The following FOXP2 variants were observed in gnomAD, a reference collection of about 807,000 sequenced individuals.
The protein encoded by FOXP2 is forkhead box P2, also known as forkhead box protein P2.
FOXP2 carries 12 observed loss-of-function variants against 115.8 expected under a neutral mutation model. The ratio of observed to expected loss-of-function variants is 0.10; its 90% CI spans 0.07 to 0.17. The LOEUF (loss-of-function observed/expected upper bound fraction) is 0.17. Among genes scored for constraint, FOXP2 ranks in the 10% least tolerant of loss-of-function variants. The pLI, the probability that FOXP2 is intolerant of heterozygous loss-of-function variation, is 1.00. For missense variants in FOXP2, 629 were observed against 843.5 expected (o/e 0.75, Z 3.15); for synonymous variants, 328 against 297.7 (o/e 1.10, Z -1.05).
At chr7:114,624,775 T>A (rs1018372054) in intron 3 of FOXP2, among the ~76,000 whole-genome samples, 2 of 151,614 alleles carry the variant, frequency 1.3e-5, no homozygotes, top group African/African-American at 4.8e-5. Context: ...ATATATATGT[T>A]TTTATGATTT....
intron 2 of FOXP2, among the ~76,000 whole-genome samples, chr7:114,360,586 A>T (rs1214774702): frequency 6.6e-6 from 1 of 152,150 alleles, no homozygotes; most frequent in African/African-American, 2.4e-5. Context: ...TGTGAAACTA[A>T]GGTTCCCTCT....
intron 2 of FOXP2, among the ~76,000 whole-genome samples, chr7:114,479,894 AT>A (rs1277940961): frequency 6.6e-6 from 1 of 151,426 alleles, no homozygotes; most frequent in Non-Finnish European, 1.5e-5. Flanking sequence ...CATAGTGCTT[AT>A]TTTTCAGCCA....
intron 2 of FOXP2, among the ~76,000 whole-genome samples, chr7:114,521,446 T>G (rs1798619944): frequency 6.6e-6 from 1 of 150,598 alleles, no homozygotes; most frequent in African/African-American, 2.5e-5. Flanking sequence ...AGCAGGAAGC[T>G]TGCATGAGCC....
intron 2 of FOXP2, among the ~76,000 whole-genome samples, chr7:114,316,621 A>G (rs1016093906): frequency 5.3e-5 from 8 of 152,118 alleles, no homozygotes; most frequent in Non-Finnish European, 1.0e-4. Flanking sequence ...AGGGACCTGA[A>G]GGAGACAAAG....
chr7:114,248,442 A>C (rs1199713942), intron 1 of FOXP2, among the ~76,000 whole-genome samples: 1 of 152,210 alleles, frequency 6.6e-6, no homozygotes, highest in Non-Finnish European at 1.5e-5. Context: ...ATTTACCATC[A>C]CAATGAGAGA....
At chr7:114,348,505 T>C (rs1791401962) in intron 2 of FOXP2, among the ~76,000 whole-genome samples, 2 of 152,220 alleles carry the variant, frequency 1.3e-5, no homozygotes, top group East Asian at 3.9e-4. Context: ...TATGCATTTA[T>C]ATCTTCGTTT....
Position 114,426,549 on chromosome 7 carries a change from G to A in FOXP2, c.38G>A (p.Ser13Asn), listed in dbSNP as rs756555227. 8.7e-6 allele frequency: 14 copies of A among 1,611,356 alleles called. No individual in the cohort carries two copies. Among genetic ancestry groups the A allele is most frequent in the Non-Finnish European group, 1.2e-5 (14 of 1,178,206 alleles). Reference protein sequence around the residue: ...QESATETISNSSMNQNGMSTL... With the variant: ...QESATETISNNSMNQNGMSTL... ...TCTGCGACAGAGACAATAAGCAACAGTTCAATGAATCAAAATGGAATGAGC... is the reference window on the plus strand; with the variant it reads ...TCTGCGACAGAGACAATAAGCAACAATTCAATGAATCAAAATGGAATGAGC... Residue 13 changes from serine to asparagine, a missense_variant, in exon 2 of 17, where the codon AGT becomes AAT. By Grantham distance (46) the Ser-to-Asn change is conservative. This residue lies in a region of FOXP2 where 91 missense variants were observed against 98.3 expected (regional missense o/e 0.93). Coordinates refer to ENST00000350908, the MANE Select transcript of FOXP2 (RefSeq NM_014491.4).
chr7:114,365,571 C>A (rs1791856579), intron 2 of FOXP2, among the ~76,000 whole-genome samples: 2 of 152,006 alleles, frequency 1.3e-5, no homozygotes, highest in African/African-American at 4.8e-5. Flanking sequence ...GATTTTTTTA[C>A]ACTGAAATGA....
chr7:114,271,533 A>G (rs1421969460), intron 1 of FOXP2, among the ~76,000 whole-genome samples: 3 of 129,944 alleles, frequency 2.3e-5, no homozygotes, highest in African/African-American at 5.8e-5. Context: ...TAATTATTAT[A>G]TTATTATAAT....
At chr7:114,361,037 T>C (rs1791733219) in intron 2 of FOXP2, among the ~76,000 whole-genome samples, 1 of 152,156 alleles carries the variant, frequency 6.6e-6, no homozygotes, top group Non-Finnish European at 1.5e-5. Flanking sequence ...ACACCATCAT[T>C]GCCAACTAAG....
intron 1 of FOXP2, among the ~76,000 whole-genome samples, chr7:114,200,241 C>G (rs1164992174): frequency 6.6e-6 from 1 of 152,146 alleles, no homozygotes; most frequent in Non-Finnish European, 1.5e-5. Context: ...CAAATAAGGC[C>G]TTACAGGAGA....
At chr7:114,501,477 T>C (rs562679932) in intron 2 of FOXP2, among the ~76,000 whole-genome samples, 44 of 152,228 alleles carry the variant, frequency 2.9e-4, no homozygotes, top group Non-Finnish European at 5.4e-4. Context: ...TGTTGATTGA[T>C]AGATGTTGCA....
intron 2 of FOXP2, among the ~76,000 whole-genome samples, chr7:114,454,271 C>T (rs972689842): frequency 3.3e-5 from 5 of 152,136 alleles, no homozygotes; most frequent in Non-Finnish European, 2.9e-5. Flanking sequence ...TGAAAAAATG[C>T]TCATCATCAC....
intron 1 of FOXP2, among the ~76,000 whole-genome samples, chr7:114,425,803 A>G (rs1158732004): frequency 6.6e-6 from 1 of 151,682 alleles, no homozygotes. Context: ...ATTACTTCCC[A>G]GGAAGGACAG....
chr7:114,598,457 G>A (rs1802841275), intron 3 of FOXP2, among the ~76,000 whole-genome samples: 3 of 152,110 alleles, frequency 2.0e-5, no homozygotes, highest in Admixed American at 1.3e-4. Context: ...ATTTTGCTCA[G>A]CGTAGAGTGG....
chr7:114,524,418 C>G (rs772427838), intron 2 of FOXP2, among the ~76,000 whole-genome samples: 2 of 152,132 alleles, frequency 1.3e-5, no homozygotes, highest in Non-Finnish European at 2.9e-5. Context: ...ATACCCTGAA[C>G]AGCTCTTTAT....
At chr7:114,376,886 A>G (rs73434109) in intron 2 of FOXP2, among the ~76,000 whole-genome samples, 2,725 of 152,312 alleles carry the variant, frequency 0.018, 80 homozygotes, top group African/African-American at 0.061. Flanking sequence ...GAGTCAAATT[A>G]TGAAAGGCCT....
chr7:114,169,286 G>C (rs1410315979), intron 1 of FOXP2, among the ~76,000 whole-genome samples: 2 of 152,218 alleles, frequency 1.3e-5, no homozygotes, highest in African/African-American at 2.4e-5. Context: ...CGGGAGGGAG[G>C]CTGTACCCTG....
At chr7:114,635,390 A>G (rs902066780) in intron 6 of FOXP2, among the ~76,000 whole-genome samples, 4 of 152,166 alleles carry the variant, frequency 2.6e-5, no homozygotes, top group African/African-American at 2.4e-5. Flanking sequence ...TTACCATGTC[A>G]GTATTCCCTT....
Sources: gnomAD v4.1 joint callset for allele counts (sites outside exome capture counted in the v4.1 genomes callset) on GRCh38, gnomAD v4.1.1 for gene constraint, gnomAD v4.1.1 regional missense constraint, MANE v1.5 for transcripts, NCBI Gene and HGNC (gene_info 2026-07-23, HGNC 2026-07-21) for gene names.